DNAH7: variants seen among roughly 807,000 people sequenced by gnomAD.
DNAH7 encodes the protein dynein axonemal heavy chain 7.
In DNAH7, 397 loss-of-function variants were observed where a neutral mutation model predicts 444.6. The observed-to-expected ratio is 0.89, with a 90% CI of 0.82 to 0.97. The LOEUF is 0.97. Ranked by LOEUF, DNAH7 falls within the 50% of genes least tolerant of loss-of-function variation. DNAH7 has a pLI of 0.00. For synonymous variants in DNAH7, 1,636 were observed against 1,624.4 expected (o/e 1.01, Z -0.17); for missense variants, 4,902 against 4,800.8 (o/e 1.02, Z -0.62).
At chr2:195,957,159 T>C (rs2125510591) in intron 19 of DNAH7, 102 bp downstream of exon 19, 1 of 1,002,056 alleles carries the variant, frequency 1.0e-6, no homozygotes, top group Non-Finnish European at 1.4e-6. Flanking sequence ...ATGAAACAGA[T>C]AATGGCTTAT....
intron 10 of DNAH7, among the ~76,000 whole-genome samples, chr2:196,006,310 A>T (rs1479348568): frequency 2.6e-5 from 4 of 152,188 alleles, no homozygotes; most frequent in African/African-American, 7.2e-5. Context: ...TGTCTCCAAA[A>T]AAAGACAGGA....
chr2:195,881,030 C>T (rs1174746383), intron 36 of DNAH7, among the ~76,000 whole-genome samples: 1 of 151,770 alleles, frequency 6.6e-6, no homozygotes, highest in Non-Finnish European at 1.5e-5. Flanking sequence ...AAAAACACTC[C>T]CTGATTTAAA....
intron 61 of DNAH7, among the ~76,000 whole-genome samples, chr2:195,770,868 T>C (rs1039551063): frequency 1.9e-4 from 23 of 118,396 alleles, no homozygotes; most frequent in African/African-American, 9.0e-4. Context: ...TGCCCAGCAT[T>C]TTTTTTTTTT....
chr2:195,813,801 T>C (rs1697090826), intron 51 of DNAH7, among the ~76,000 whole-genome samples: 1 of 152,012 alleles, frequency 6.6e-6, no homozygotes, highest in Non-Finnish European at 1.5e-5. Context: ...GAGGAGAGAG[T>C]TTCTGGGTTG....
rs1358519681 is a variant in DNAH7 at position 195,787,040 on chromosome 2, C to A, written c.10848G>T (p.Gln3616His). 4 of 1,606,056 alleles carry A rather than the reference C, an allele frequency of 2.5e-6. No homozygotes were observed. In the South Asian group the frequency reaches 3.3e-5, roughly 13 times the overall value. Residue 3616 changes from glutamine to histidine, a missense_variant, in exon 58 of 65, where the codon CAG (glutamine) becomes CAT (histidine). Coordinates refer to ENST00000312428, the MANE Select transcript of DNAH7 (RefSeq NM_018897.3). Reference protein sequence around the residue: ...FNETDLRISVQQLHMFLNQYE... With the variant: ...FNETDLRISVHQLHMFLNQYE... Reference sequence around the variant, plus strand: ...ACTGGTTCAGGAACATGTGGAGCTGCTGTACGCTGATTCTCAGATCTGTCT... The same window carrying A: ...ACTGGTTCAGGAACATGTGGAGCTGATGTACGCTGATTCTCAGATCTGTCT...
At chr2:195,769,212 C>T (rs943086937) in intron 61 of DNAH7, among the ~76,000 whole-genome samples, 9 of 151,902 alleles carry the variant, frequency 5.9e-5, no homozygotes, top group African/African-American at 9.7e-5. Flanking sequence ...TCTATGCTTG[C>T]GGAGAATAAA....
chr2:196,035,257 T>C (rs754796056), intron 5 of DNAH7, among the ~76,000 whole-genome samples: 1 of 152,204 alleles, frequency 6.6e-6, no homozygotes, highest in African/African-American at 2.4e-5. Flanking sequence ...AAAAGACTTA[T>C]ATGACTCCAA....
chr2:195,823,492 C>T (rs1697568740), intron 49 of DNAH7, among the ~76,000 whole-genome samples: 1 of 152,132 alleles, frequency 6.6e-6, no homozygotes, highest in Non-Finnish European at 1.5e-5. Context: ...AGAGAGATGC[C>T]TATGTTAATT....
At chr2:195,866,529 A>C (rs1461365778) in intron 40 of DNAH7, among the ~76,000 whole-genome samples, 6 of 152,240 alleles carry the variant, frequency 3.9e-5, no homozygotes. Flanking sequence ...AGTCAACTTC[A>C]TGTATCAGGA....
chr2:196,060,394 T>C (rs1007385029), intron 1 of DNAH7, among the ~76,000 whole-genome samples: 1 of 152,212 alleles, frequency 6.6e-6, no homozygotes, highest in Admixed American at 6.5e-5. Flanking sequence ...CATTCACAGA[T>C]AATCTCTTTT....
intron 16 of DNAH7, among the ~76,000 whole-genome samples, chr2:195,971,131 A>G (rs1691810963): frequency 1.3e-5 from 2 of 152,202 alleles, no homozygotes; most frequent in Admixed American, 6.5e-5. Flanking sequence ...TAAGCCTATG[A>G]ATTATTCTCC....
At chr2:196,041,799 A>G (rs948054664) in intron 5 of DNAH7, among the ~76,000 whole-genome samples, 4 of 152,166 alleles carry the variant, frequency 2.6e-5, no homozygotes, top group East Asian at 1.9e-4. Context: ...CAAACTATCC[A>G]TAGACAAGGG....
At chr2:195,750,110 C>G (rs542976862) in intron 63 of DNAH7, among the ~76,000 whole-genome samples, 2 of 152,242 alleles carry the variant, frequency 1.3e-5, no homozygotes, top group African/African-American at 4.8e-5. Context: ...TCTTGGAACA[C>G]TAAATAGGCT....
intron 3 of DNAH7, 56 bp downstream of exon 3, chr2:196,051,127 AAACT>A: frequency 6.8e-7 from 1 of 1,477,922 alleles, no homozygotes; most frequent in East Asian, 2.3e-5. Context: ...TCAAGTTAGA[AAACT>A]AATAAACATT....
At chr2:196,045,536 C>CAG (rs1166004642) in intron 5 of DNAH7, among the ~76,000 whole-genome samples, 4 of 150,466 alleles carry the variant, frequency 2.7e-5, no homozygotes, top group Admixed American at 6.6e-5. Flanking sequence ...AAAAAAAATA[C>CAG]AGAGAGAGAG....
chr2:196,046,090 T>C (rs55762267), intron 5 of DNAH7, among the ~76,000 whole-genome samples: 12,022 of 151,980 alleles, frequency 0.079, 559 homozygotes, highest in African/African-American at 0.12. Flanking sequence ...CCCAGTACAA[T>C]TGTATAAATA....
chr2:195,766,445 G>A (rs1163568472), intron 61 of DNAH7, among the ~76,000 whole-genome samples: 1 of 151,930 alleles, frequency 6.6e-6, no homozygotes, highest in African/African-American at 2.4e-5. Flanking sequence ...TGGGATTACA[G>A]GCGTGAGCTA....
intron 4 of DNAH7, among the ~76,000 whole-genome samples, chr2:196,047,991 T>C (rs1347342142): frequency 1.3e-5 from 2 of 152,120 alleles, no homozygotes; most frequent in African/African-American, 4.8e-5. Flanking sequence ...TATAATTTAT[T>C]AAAATCTCTC....
rs774260714 is a variant in DNAH7 at position 195,864,586 on chromosome 2, T to C, written c.7069A>G (p.Met2357Val). ...RQSVTRLAAH[M>V]ADYSVFQVEI... ...ACTTGGAAAACTGAATAATCAGCCA[T>C]GTGGGCAGCTAATCTGGTGACAGAC... is the stretch of plus-strand genomic sequence containing the variant. Residue 2357 changes from methionine to valine, a missense_variant, in exon 41 of 65, where the codon ATG becomes GTG. Coordinates refer to ENST00000312428, the MANE Select transcript of DNAH7 (RefSeq NM_018897.3). 2.5e-6 allele frequency: 4 copies of C among 1,614,062 alleles called. No individual in the cohort carries two copies. Among genetic ancestry groups the C allele is most frequent in the African/African-American group, 1.3e-5 (1 of 74,934 alleles).
Sources: gnomAD v4.1 joint callset for allele counts (sites outside exome capture counted in the v4.1 genomes callset) on GRCh38, gnomAD v4.1.1 for gene constraint, MANE v1.5 for transcripts, NCBI Gene and HGNC (gene_info 2026-07-23, HGNC 2026-07-21) for gene names.